Variants in ARL2BP observed in about 807,000 individuals in gnomAD.
ARL2BP encodes ADP-ribosylation factor-like protein 2-binding protein.
Under a neutral mutation model 24.2 loss-of-function variants are expected in ARL2BP, and 19 were observed. That is an observed-to-expected ratio of 0.79 (90% CI 0.55 to 1.15). ARL2BP has a LOEUF of 1.15. Ranked by LOEUF, ARL2BP falls within the 50% of genes most tolerant of loss-of-function variation. The probability of loss-of-function intolerance (pLI) is 0.00; values close to 1 mark genes in which losing one functional copy is unlikely to be tolerated. For synonymous variants in ARL2BP, 56 were observed against 70.5 expected (o/e 0.79, Z 1.03); for missense variants, 160 against 190.4 (o/e 0.84, Z 0.94).
chr16:57,250,125 C>T, intron 4 of ARL2BP: 1 of 591,668 alleles, frequency 1.7e-6, no homozygotes, highest in Non-Finnish European at 3.0e-6. Flanking sequence ...GAGGCCCCGA[C>T]CCTACAAAAA....
At chr16:57,249,505 G>A (rs1351763100) in intron 3 of ARL2BP, 12 of 489,240 alleles carry the variant, frequency 2.5e-5, no homozygotes, top group African/African-American at 9.7e-5. Flanking sequence ...TGTGGGTACC[G>A]TGCTACTCAC....
chr16:57,250,784 T>TA lies in ARL2BP; in HGVS notation c.390+277_390+278insA, dbSNP rs548520476. The TA allele has an allele frequency of 9.9e-5, 38 of 385,338 alleles. No individual in the cohort carries two copies. The East Asian group carries it at 1.6e-3, about 16-fold the overall frequency. The allele number at this position is 385,338 out of a possible 1,614,324, so 23.9% of individuals were successfully genotyped here. ...CTGCCTTGCCTTTCTTTTATTTATT[T>TA]TTTTTTTTGAGACAGAGTTTTGCTC... is the stretch of plus-strand genomic sequence containing the variant. On this transcript the variant is annotated intron_variant, in intron 5 of 5. Transcript: ENST00000219204.
rs1023750700 is a variant in ARL2BP, at chr16:57,252,076, C to T, written c.391-90C>T. 46 of 1,129,438 alleles carry T rather than the reference C, an allele frequency of 4.1e-5. No individual in the cohort carries two copies. In the South Asian group the frequency reaches 6.0e-4, roughly 15 times the overall value. 70.0% of individuals were successfully genotyped at this position (1,129,438 alleles called of 1,614,324 possible). A position where few individuals can be genotyped will look rare whatever the true frequency, so the allele number is the denominator to read the frequency against. ...CCTATGTACTCTGGAGGTCCACGTT[C>T]CCACCTTCAGCTCTGCCTTCCCCAT... On this transcript the variant is annotated intron_variant, in intron 5 of 5. Coordinates refer to ENST00000219204, the MANE Select transcript of ARL2BP (RefSeq NM_012106.4).
Position 57,253,032 on chromosome 16 carries a change from GTAT to G in ARL2BP, c.*769_*771del, listed in dbSNP as rs1307448992. 6.5e-6 allele frequency: 1 copy of G among 152,682 alleles called. No homozygotes were observed. Among genetic ancestry groups the G allele is most frequent in the Middle Eastern group, 3.2e-3 (1 of 316 alleles). 9.5% of individuals were successfully genotyped at this position (152,682 alleles called of 1,614,324 possible). On this transcript the variant is annotated 3_prime_UTR_variant, in exon 6 of 6. Coordinates refer to ENST00000219204, the MANE Select transcript of ARL2BP (RefSeq NM_012106.4). ...CATGATTATCCACTTAAAGATCAAA[GTAT>G]TATATGCTGTGTGCTTTTTAGGTGT...
In ARL2BP at chr16:57,252,381, T is replaced by C; in HGVS notation, c.*114T>C. On this transcript the variant is annotated 3_prime_UTR_variant, in exon 6 of 6. Coordinates refer to ENST00000219204, the MANE Select transcript of ARL2BP (RefSeq NM_012106.4). ...ACTGACTCTGTTATGTAACTCTTCATTTATGTTAAGTATTAATAGGTCAAA... is the reference window on the plus strand; with the variant it reads ...ACTGACTCTGTTATGTAACTCTTCACTTATGTTAAGTATTAATAGGTCAAA... 1.3e-6 allele frequency: 2 copies of C among 1,576,312 alleles called. No homozygotes were observed. The highest frequency in any genetic ancestry group is 1.7e-6 in the Non-Finnish European group (2 of 1,163,148).
In ARL2BP at chr16:57,248,612, A is replaced by C. The variant is rs776708097; in HGVS notation, c.176A>C (p.Lys59Thr). ...YLEFEDTEEN[K>T]LIYTPIFNEY... is the part of the protein sequence containing the mutation. ...GAGTTTGAAGACACAGAAGAGAATA[A>C]ACTCATCTACACACCTATTTTTAAT... Residue 59 changes from lysine (K) to threonine (T), a missense_variant, in exon 3 of 6, where the codon AAA (lysine) becomes ACA (threonine). Coordinates refer to ENST00000219204, the MANE Select transcript of ARL2BP (RefSeq NM_012106.4). 6.3e-7 allele frequency: 1 copy of C among 1,599,516 alleles called. No homozygotes were observed. Among genetic ancestry groups the C allele is most frequent in the South Asian group, 1.1e-5 (1 of 88,158 alleles).
chr16:57,245,499 G>C (rs1597951283), intron 1 of ARL2BP, 94 bp downstream of exon 1: 2 of 1,451,374 alleles, frequency 1.4e-6, no homozygotes, highest in East Asian at 2.5e-5. Context: ...GTCCTTAGGG[G>C]CCGGGCCGGG....
At chr16:57,252,064 G>A in intron 5 of ARL2BP, 102 bp from the exon 6 acceptor site, 1 of 901,980 alleles carries the variant, frequency 1.1e-6, no homozygotes, top group South Asian at 1.5e-5. Flanking sequence ...ATGTACTCTG[G>A]AGGTCCACGT....
chr16:57,248,342 A>G, intron 2 of ARL2BP, 195 bp from the exon 3 acceptor site: 1 of 290,522 alleles, frequency 3.4e-6, no homozygotes, highest in Non-Finnish European at 6.3e-6. Flanking sequence ...AAAAAGAAAG[A>G]AAGAAAAAGA....
chr16:57,251,602 AAAAG>A lies in ARL2BP; in HGVS notation c.391-552_391-549del, dbSNP rs1346552382. ...AAGACCCCTATCTCAAAAAAAAAAA[AAAAG>A]AAAGAAAGAAAAATGTTTTCCAGTG... On this transcript the variant is annotated intron_variant, in intron 5 of 5. Transcript: ENST00000219204. 14 of 152,546 alleles carry A rather than the reference AAAAG, an allele frequency of 9.2e-5. No individual in the cohort carries two copies. The South Asian group carries it at 1.2e-3, about 13-fold the overall frequency. 9.4% of individuals were successfully genotyped at this position (152,546 alleles called of 1,614,324 possible).
At chr16:57,245,604 G>A (rs527676462) in intron 1 of ARL2BP, among the ~76,000 whole-genome samples, 199 bp downstream of exon 1, 1 of 152,274 alleles carries the variant, frequency 6.6e-6, no homozygotes, top group African/African-American at 2.4e-5. Flanking sequence ...GGCCCCGCAG[G>A]ACAGGAGTGC....
At chr16:57,251,767 C>G (rs1482769824) in intron 5 of ARL2BP, 17 of 172,712 alleles carry the variant, frequency 9.8e-5, no homozygotes, top group Non-Finnish European at 8.8e-5. Flanking sequence ...CAAGACCAGC[C>G]TAAGTGACAT....
In ARL2BP at chr16:57,249,789, T is replaced by C. The variant is rs1410094494; in HGVS notation, c.230T>C (p.Ile77Thr). ...NEYISLVEKYIEEQLLQRIPE... is the reference protein window; with the variant it reads ...NEYISLVEKYTEEQLLQRIPE... ...CAGATTTCTTTGGTAGAAAAATACA[T>C]TGAAGAACAGCTGCTGCAGCGGATT... The change falls in exon 4 of 6, where the codon ATT (isoleucine) becomes ACT (threonine). Residue 77 changes from isoleucine to threonine, a missense_variant. Ile to Thr is a moderately conservative substitution (Grantham distance 89). Transcript: ENST00000219204. The C allele has an allele frequency of 2.5e-6, 4 of 1,614,232 alleles. No individual in the cohort carries two copies. In the South Asian group the frequency reaches 3.3e-5, roughly 13 times the overall value.
At chr16:57,250,311 A>G in intron 4 of ARL2BP, 100 bp from the exon 5 acceptor site, 1 of 1,032,194 alleles carries the variant, frequency 9.7e-7, no homozygotes, top group Non-Finnish European at 1.5e-6. Context: ...AACAAAAATA[A>G]TGCGGGGGGT....
At chr16:57,250,006 C>CCT in intron 4 of ARL2BP, 154 bp downstream of exon 4, 1 of 683,530 alleles carries the variant, frequency 1.5e-6, no homozygotes, top group Non-Finnish European at 2.5e-6. Context: ...TTAATGAAAT[C>CCT]TTGAAAAGAT....
chr16:57,246,292 C>A, intron 2 of ARL2BP, 151 bp downstream of exon 2: 1 of 732,338 alleles, frequency 1.4e-6, no homozygotes, highest in Non-Finnish European at 2.3e-6. Context: ...AGGCTTACTG[C>A]AGTTTGTCTT....
At position 57,253,375 on chromosome 16, in the gene ARL2BP, T is replaced by C. The variant is rs1234531173; in HGVS notation, c.*1108T>C. ...GTTTGTATGCTTTGGTTTAGTGCAATGTGTGGTAGATTACTTATCAGAAAA... is the reference window on the plus strand; with the variant it reads ...GTTTGTATGCTTTGGTTTAGTGCAACGTGTGGTAGATTACTTATCAGAAAA... On this transcript the variant is annotated 3_prime_UTR_variant, in exon 6 of 6. Coordinates refer to ENST00000219204, the MANE Select transcript of ARL2BP (RefSeq NM_012106.4). 1 of 152,156 alleles carries C rather than the reference T, an allele frequency of 6.6e-6. No individual in the cohort carries two copies. The highest frequency in any genetic ancestry group is 1.5e-5 in the Non-Finnish European group (1 of 68,030). The allele number at this position is 152,156 out of a possible 1,614,324, so 9.4% of individuals were successfully genotyped here. A position where few individuals can be genotyped will look rare whatever the true frequency, so the allele number is the denominator to read the frequency against.
In ARL2BP at chr16:57,253,290, A is replaced by AGAT. The variant is rs1336202848; in HGVS notation, c.*1025_*1027dup. On this transcript the variant is annotated 3_prime_UTR_variant, in exon 6 of 6. Transcript: ENST00000219204. ...CTTCCTGTCAAAATCTCTCCTACCA[A>AGAT]GATGGTGTTCCACTGTCCAGCCCAG... The AGAT allele has an allele frequency of 6.6e-6, 1 of 152,264 alleles. No homozygotes were observed. The highest frequency in any genetic ancestry group is 2.4e-5 in the African/African-American group (1 of 41,456). The allele number at this position is 152,264 out of a possible 1,614,324, so 9.4% of individuals were successfully genotyped here.
At chr16:57,249,440 C>T (rs2146429405) in intron 3 of ARL2BP, 1 of 282,632 alleles carries the variant, frequency 3.5e-6, no homozygotes. Context: ...TACACAGATG[C>T]CCTCTACCCA....
Sources: allele counts gnomAD v4.1 joint callset (sites outside exome capture counted in the v4.1 genomes callset), GRCh38; gene constraint gnomAD v4.1.1; transcripts MANE v1.5; gene names NCBI Gene and HGNC (gene_info 2026-07-23, HGNC 2026-07-21).